Variants in TRPV1 observed in about 807,000 individuals in gnomAD.
The protein encoded by TRPV1 is OTRPC1.
A neutral mutation model predicts 82.3 loss-of-function variants in TRPV1; 82 were observed. That is an observed-to-expected ratio of 1.00 (90% CI 0.83 to 1.20). The LOEUF is 1.20. Among genes scored for constraint, TRPV1 ranks in the 50% most tolerant of loss-of-function variants. The pLI is 0.00. For synonymous variants in TRPV1, 515 were observed against 467.7 expected, an observed-to-expected ratio of 1.10 and a Z score of -1.30; for missense variants, 1,067 against 1,096.8, an observed-to-expected ratio of 0.97 and a Z score of 0.38.
At chr17:3,571,113 C>T (rs1050867554) in intron 16 of TRPV1, among the ~76,000 whole-genome samples, 3 of 152,224 alleles carry the variant, frequency 2.0e-5, no homozygotes, top group Admixed American at 2.0e-4. Context: ...CAAGTGTTCC[C>T]GTCTGCCTGT....
In TRPV1 at chr17:3,566,906, G is replaced by T; in HGVS notation, c.2429C>A (p.Pro810His). 6.2e-7 allele frequency: 1 copy of T among 1,613,974 alleles called. No homozygotes were observed. The highest frequency in any genetic ancestry group is 8.5e-7 in the Non-Finnish European group (1 of 1,179,884). The change falls in exon 17 of 17, where the codon CCC (proline) becomes CAC (histidine). Residue 810 changes from proline (P) to histidine (H), a missense_variant. By Grantham distance (77) the Pro-to-His change is moderately conservative. Transcript: ENST00000572705. ...ASARDRQSAQ[P>H]EEVYLRQFSG... is the part of the protein sequence containing the mutation. ...AAACTGTCGCAGATAAACTTCCTCG[G>T]GCTGAGCAGACTGCCTATCTCGAGC...
chr17:3,572,146 T>A lies in TRPV1; in HGVS notation c.2207A>T (p.Lys736Met), dbSNP rs1227787838. 4.3e-6 allele frequency: 7 copies of A among 1,613,514 alleles called. No individual in the cohort carries two copies. Among genetic ancestry groups the A allele is most frequent in the Non-Finnish European group, 5.9e-6 (7 of 1,179,712 alleles). The change falls in exon 15 of 17, where the codon AAG becomes ATG. Residue 736 changes from lysine to methionine, a missense_variant. Coordinates refer to ENST00000572705, the MANE Select transcript of TRPV1 (RefSeq NM_080704.4). ...LLQVGYTPDG[K>M]DDYRWCFRVD... ...CCTGAAGCACCACCGGTAGTCGTCC[T>A]TGCCATCAGGTGTGTACCCCACCTG...
intron 2 of TRPV1, among the ~76,000 whole-genome samples, chr17:3,593,981 A>C (rs909831245): frequency 1.3e-5 from 2 of 151,894 alleles, no homozygotes; most frequent in Non-Finnish European, 2.9e-5. Flanking sequence ...TACAAAAATT[A>C]GCCGGGCGTG....
intron 2 of TRPV1, among the ~76,000 whole-genome samples, chr17:3,607,444 A>G (rs555143201): frequency 6.6e-6 from 1 of 152,290 alleles, no homozygotes; most frequent in Admixed American, 6.5e-5. Context: ...GATCCTGCAT[A>G]TGCCATGTTT....
Position 3,594,160 on chromosome 17 carries a change from C to CAAAAAAAAA in TRPV1, c.-33-1778_-33-1777insTTTTTTTTT, listed in dbSNP as rs1567673375. On this transcript the variant is annotated intron_variant, in intron 2 of 16. Transcript: ENST00000572705. The stretch of plus-strand genomic sequence containing the variant: ...AAAAAAAAAAAAAAAAAAGAAGCAG[C>CAAAAAAAAA]AGCAGCAGCAGCAGCAGCAGCTGCA... Among the ~76,000 whole-genome samples, 312 of 115,720 alleles carry CAAAAAAAAA rather than the reference C, an allele frequency of 2.7e-3. 46 individuals carry two copies. Among genetic ancestry groups the CAAAAAAAAA allele is most frequent in the African/African-American group, 0.023 (288 of 12,668 alleles). The allele number at this position is 115,720 out of a possible 152,430, so 75.9% of individuals were successfully genotyped here.
Position 3,567,001 on chromosome 17 carries a change from C to A in TRPV1, c.2348-14G>T. ...GTCTGCCTGAAACTGAAGGGTAACA[C>A]TATTACTACCTTGGATGCAACAAAA... On this transcript the variant is annotated splice_polypyrimidine_tract_variant and intron_variant, in intron 16 of 16. Transcript: ENST00000572705. 6.2e-7 allele frequency: 1 copy of A among 1,612,548 alleles called. No individual in the cohort carries two copies. The highest frequency in any genetic ancestry group is 8.5e-7 in the Non-Finnish European group (1 of 1,179,136).
At chr17:3,589,366 C>T (rs1320071201) in intron 7 of TRPV1, among the ~76,000 whole-genome samples, 1 of 152,070 alleles carries the variant, frequency 6.6e-6, no homozygotes, top group African/African-American at 2.4e-5. Flanking sequence ...GCCACCATGC[C>T]TGGCTAATTT....
chr17:3,595,090 G>A lies in TRPV1; in HGVS notation c.-33-2707C>T, dbSNP rs1347730877. On this transcript the variant is annotated intron_variant, in intron 2 of 16. Transcript: ENST00000572705. ...TGAAGATAACACCCCGTCAAGGACCGTTCACAGTGCGGACAGCCCTGGCAG... is the reference window on the plus strand; with the variant it reads ...TGAAGATAACACCCCGTCAAGGACCATTCACAGTGCGGACAGCCCTGGCAG... 3.9e-5 allele frequency among the ~76,000 whole-genome samples: 6 copies of A among 152,092 alleles called. No individual in the cohort carries two copies. In the East Asian group the frequency reaches 9.6e-4, roughly 24 times the overall value.
intron 2 of TRPV1, among the ~76,000 whole-genome samples, chr17:3,598,373 C>G (rs747652823): frequency 2.6e-5 from 4 of 152,180 alleles, no homozygotes; most frequent in Non-Finnish European, 5.9e-5. Context: ...CCCGCTCTCG[C>G]AGGCCGTACA....
chr17:3,607,461 C>A (rs2075303346), intron 2 of TRPV1, among the ~76,000 whole-genome samples: 1 of 152,046 alleles, frequency 6.6e-6, no homozygotes, highest in Non-Finnish European at 1.5e-5. Context: ...GTTTTTTCTA[C>A]ACATACATAT....
At position 3,589,773 on chromosome 17, in the gene TRPV1, C is replaced by T. The variant is rs201934845; in HGVS notation, c.1044+34G>A. ...GTCCTCTCCCATGCCATCAGCCCCG[C>T]ACCGCACCAGCCTGAGCCGAAGCCC... On this transcript the variant is annotated intron_variant, in intron 7 of 16. Coordinates refer to ENST00000572705, the MANE Select transcript of TRPV1 (RefSeq NM_080704.4). The T allele has an allele frequency of 1.0e-5, 16 of 1,584,748 alleles. No individual in the cohort carries two copies. In the Admixed American group the frequency reaches 1.4e-4, roughly 14 times the overall value.
chr17:3,579,078 T>C (rs2074972586), intron 11 of TRPV1, among the ~76,000 whole-genome samples: 1 of 152,138 alleles, frequency 6.6e-6, no homozygotes, highest in African/African-American at 2.4e-5. Flanking sequence ...TCAGGTACTA[T>C]GTTCACTACT....
intron 2 of TRPV1, among the ~76,000 whole-genome samples, chr17:3,602,946 A>AC (rs1330741283): frequency 6.6e-6 from 1 of 151,632 alleles, no homozygotes; most frequent in African/African-American, 2.4e-5. Flanking sequence ...ACATGGAGAA[A>AC]CCCCGTCTCT....
rs538635517 is a variant in TRPV1, at chr17:3,577,607, C to T, written c.1704G>A (p.Met568Ile). 3.2e-6 allele frequency: 5 copies of T among 1,577,310 alleles called. No homozygotes were observed. Among genetic ancestry groups the T allele is most frequent in the Non-Finnish European group, 4.3e-6 (5 of 1,161,794 alleles). Residue 568 changes from methionine to isoleucine, a missense_variant, in exon 12 of 17, where the codon ATG becomes ATA. Coordinates refer to ENST00000572705, the MANE Select transcript of TRPV1 (RefSeq NM_080704.4). ...GFQQMGIYAVMIEKMILRDLC... is the reference protein window; with the variant it reads ...GFQQMGIYAVIIEKMILRDLC... ...GGCCCAGGGAACCCACCTTCTCTAT[C>T]ATGACGGCATAGATGCCCATCTGCT...
At chr17:3,586,890 G>A (rs1388754238) in intron 8 of TRPV1, among the ~76,000 whole-genome samples, 1 of 152,132 alleles carries the variant, frequency 6.6e-6, no homozygotes, top group Non-Finnish European at 1.5e-5. Context: ...CCAAACTTAA[G>A]CTCCCTCAAA....
Position 3,570,372 on chromosome 17 carries a change from G to GA in TRPV1, c.2347+1151dup, listed in dbSNP as rs71153372. ...GCAACAGAGTGAGACTCCATCTCAG[G>GA]AAAAAAAAAAAAAAAAGTTCTGGAA... On this transcript the variant is annotated intron_variant, in intron 16 of 16. Coordinates refer to ENST00000572705, the MANE Select transcript of TRPV1 (RefSeq NM_080704.4). 3.8e-3 allele frequency among the ~76,000 whole-genome samples: 501 copies of GA among 133,052 alleles called. 3 individuals are homozygous for GA. The highest frequency in any genetic ancestry group is 0.033 in the East Asian group (144 of 4,406). The allele number at this position is 133,052 out of a possible 152,430, so 87.3% of individuals were successfully genotyped here.
At chr17:3,585,587 AGGCAG>A (rs2075073740) in intron 9 of TRPV1, 176 bp downstream of exon 9, 1 of 715,654 alleles carries the variant, frequency 1.4e-6, no homozygotes, top group African/African-American at 1.8e-5. Context: ...GTACAGCCTG[AGGCAG>A]GGGAGATGGG....
At position 3,592,184 on chromosome 17, in the gene TRPV1, T is replaced by A. The variant is rs201915348; in HGVS notation, c.167A>T (p.Glu56Val). ...AGGGCAATCCACCGGGAAAGCCTCC[T>A]CCGAGTCACCCTTCCCAAAGAGCCG... ...RTRLFGKGDS[E>V]EAFPVDCPHE... is the part of the protein sequence containing the mutation. The change falls in exon 3 of 17, where the codon GAG becomes GTG. Residue 56 changes from glutamate to valine, a missense_variant. By Grantham distance (121) the Glu-to-Val change is moderately radical. Coordinates refer to ENST00000572705, the MANE Select transcript of TRPV1 (RefSeq NM_080704.4). 6.2e-7 allele frequency: 1 copy of A among 1,613,550 alleles called. No individual in the cohort carries two copies. Among genetic ancestry groups the A allele is most frequent in the Non-Finnish European group, 8.5e-7 (1 of 1,179,712 alleles).
chr17:3,606,383 T>C (rs962885138), intron 2 of TRPV1, among the ~76,000 whole-genome samples: 1 of 152,134 alleles, frequency 6.6e-6, no homozygotes, highest in Non-Finnish European at 1.5e-5. Context: ...TGCCAGTCAC[T>C]TGTGGCAAAG....
Sources: gnomAD v4.1 joint callset for allele counts (sites outside exome capture counted in the v4.1 genomes callset) on GRCh38, gnomAD v4.1.1 for gene constraint, MANE v1.5 for transcripts, NCBI Gene and HGNC (gene_info 2026-07-23, HGNC 2026-07-21) for gene names.